Variants in SYNJ2BP observed in about 807,000 individuals in gnomAD.
The protein encoded by SYNJ2BP is synaptojanin 2 binding protein, also known as synaptojanin-2-binding protein.
SYNJ2BP carries 10 observed loss-of-function variants against 16.9 expected under a neutral mutation model. That is an observed-to-expected ratio of 0.59 (90% confidence interval 0.36 to 1.00). The LOEUF is 1.00. SYNJ2BP is among the 50% of genes least tolerant of loss of function. The pLI is 0.01. For missense variants in SYNJ2BP, 162 were observed against 186.7 expected (o/e 0.87, Z 0.77); for synonymous variants, 54 against 68.4 (o/e 0.79, Z 1.04).
intron 1 of SYNJ2BP, 79 bp downstream of exon 1, chr14:70,416,820 GA>G: frequency 6.2e-7 from 1 of 1,605,526 alleles, no homozygotes; most frequent in Non-Finnish European, 8.5e-7. Flanking sequence ...GAGGCCAGGT[GA>G]ATCCGGCTCA....
At chr14:70,391,292 A>G (rs1887976509) in intron 1 of SYNJ2BP, among the ~76,000 whole-genome samples, 2 of 152,218 alleles carry the variant, frequency 1.3e-5, no homozygotes, top group South Asian at 4.1e-4. Context: ...CTAAAAAAAT[A>G]AATAAGAAGG....
chr14:70,379,190 A>G (rs984775095), intron 2 of SYNJ2BP, among the ~76,000 whole-genome samples: 5 of 152,176 alleles, frequency 3.3e-5, no homozygotes, highest in African/African-American at 1.2e-4. Flanking sequence ...ACTTTTCTCT[A>G]GGTTGGAACC....
intron 1 of SYNJ2BP, among the ~76,000 whole-genome samples, chr14:70,411,917 G>A (rs1888480939): frequency 6.6e-6 from 1 of 152,192 alleles, no homozygotes; most frequent in Non-Finnish European, 1.5e-5. Context: ...TAAACTCCAT[G>A]AAGGCGAGAC....
At chr14:70,389,339 AT>A (rs1887929409) in intron 1 of SYNJ2BP, among the ~76,000 whole-genome samples, 1 of 149,126 alleles carries the variant, frequency 6.7e-6, no homozygotes, top group Admixed American at 6.7e-5. Context: ...GAATTTATGT[AT>A]GATAGTGCTT....
intron 1 of SYNJ2BP, among the ~76,000 whole-genome samples, chr14:70,412,225 T>C (rs1036840189): frequency 6.6e-6 from 1 of 152,126 alleles, no homozygotes; most frequent in Non-Finnish European, 1.5e-5. Flanking sequence ...AGGCATGATA[T>C]AATAAAATAA....
intron 2 of SYNJ2BP, among the ~76,000 whole-genome samples, chr14:70,383,852 A>C (rs1240418663): frequency 6.6e-6 from 1 of 152,234 alleles, no homozygotes; most frequent in Non-Finnish European, 1.5e-5. Flanking sequence ...ACATGGCCTT[A>C]AAAATCATTT....
intron 2 of SYNJ2BP, among the ~76,000 whole-genome samples, chr14:70,386,797 T>G (rs1887868870): frequency 6.6e-6 from 1 of 151,360 alleles, no homozygotes; most frequent in South Asian, 2.1e-4. Context: ...AGAAGTAATG[T>G]GAAAGGGAAA....
At chr14:70,410,969 T>A (rs1295669152) in intron 1 of SYNJ2BP, among the ~76,000 whole-genome samples, 2 of 152,154 alleles carry the variant, frequency 1.3e-5, no homozygotes, top group Non-Finnish European at 2.9e-5. Flanking sequence ...TGTTTACCTA[T>A]ATAACAAACC....
At chr14:70,415,328 TA>T (rs1054907125) in intron 1 of SYNJ2BP, among the ~76,000 whole-genome samples, 1 of 151,962 alleles carries the variant, frequency 6.6e-6, no homozygotes, top group African/African-American at 2.4e-5. Flanking sequence ...GTGGATCATT[TA>T]AACTCAGGAG....
chr14:70,380,432 G>A (rs771602180), intron 2 of SYNJ2BP, among the ~76,000 whole-genome samples: 1 of 152,098 alleles, frequency 6.6e-6, no homozygotes, highest in Non-Finnish European at 1.5e-5. Flanking sequence ...GGGAGGCCAA[G>A]GAGGGCGAAT....
At chr14:70,389,392 T>C (rs1887932636) in intron 1 of SYNJ2BP, among the ~76,000 whole-genome samples, 1 of 150,626 alleles carries the variant, frequency 6.6e-6, no homozygotes, top group South Asian at 2.1e-4. Flanking sequence ...TTTTTTTTTT[T>C]CCATTTTGGT....
chr14:70,383,099 G>A (rs1370524752), intron 2 of SYNJ2BP, among the ~76,000 whole-genome samples: 3 of 152,084 alleles, frequency 2.0e-5, no homozygotes, highest in Non-Finnish European at 4.4e-5. Flanking sequence ...AGATTATTTA[G>A]ATCCAATCCA....
chr14:70,408,163 T>C (rs1054772045), intron 1 of SYNJ2BP, among the ~76,000 whole-genome samples: 1 of 151,572 alleles, frequency 6.6e-6, no homozygotes, highest in Non-Finnish European at 1.5e-5. Context: ...TTTTATAAAC[T>C]AAGGCATAAA....
intron 1 of SYNJ2BP, among the ~76,000 whole-genome samples, chr14:70,404,471 CAG>C (rs1447291377): frequency 6.6e-6 from 1 of 152,064 alleles, no homozygotes; most frequent in East Asian, 1.9e-4. Context: ...AATTAAGTAA[CAG>C]ATAATTATAA....
In SYNJ2BP at chr14:70,367,496, A is replaced by G. The variant is rs1887414723; in HGVS notation, c.*5495T>C. 1 of 140,034 alleles carries G rather than the reference A, an allele frequency of 7.1e-6. No homozygotes were observed. The highest frequency in any genetic ancestry group is 2.5e-4 in the South Asian group (1 of 4,058). The allele number at this position is 140,034 out of a possible 1,614,324, so 8.7% of individuals were successfully genotyped here. On this transcript the variant is annotated 3_prime_UTR_variant, in exon 4 of 4. Coordinates refer to ENST00000256366, the MANE Select transcript of SYNJ2BP (RefSeq NM_018373.3). The stretch of plus-strand genomic sequence containing the variant: ...AGAATCGCTTGAACCCGGGCGGCAG[A>G]GATTGCAGTGAGCTGAGATCGTGCC...
intron 1 of SYNJ2BP, among the ~76,000 whole-genome samples, chr14:70,402,834 C>A (rs1161148667): frequency 1.3e-5 from 2 of 152,150 alleles, no homozygotes; most frequent in Non-Finnish European, 2.9e-5. Flanking sequence ...ATACAACTTT[C>A]TAGCACTTAG....
At chr14:70,405,516 C>T (rs1408067058) in intron 1 of SYNJ2BP, among the ~76,000 whole-genome samples, 2 of 151,988 alleles carry the variant, frequency 1.3e-5, no homozygotes, top group Non-Finnish European at 2.9e-5. Context: ...GGGATTATTT[C>T]ACTTTTTAAA....
intron 2 of SYNJ2BP, among the ~76,000 whole-genome samples, chr14:70,379,736 T>C (rs978143055): frequency 7.9e-5 from 12 of 152,228 alleles, no homozygotes; most frequent in African/African-American, 2.9e-4. Flanking sequence ...AGGTGTGAGA[T>C]TGCTGACTGT....
At chr14:70,393,475 T>A (rs1218393960) in intron 1 of SYNJ2BP, among the ~76,000 whole-genome samples, 1 of 152,182 alleles carries the variant, frequency 6.6e-6, no homozygotes, top group Non-Finnish European at 1.5e-5. Flanking sequence ...GGATTATAAA[T>A]CATTCTACTA....
Sources: gnomAD v4.1 joint callset for allele counts (sites outside exome capture counted in the v4.1 genomes callset) on GRCh38, gnomAD v4.1.1 for gene constraint, MANE v1.5 for transcripts, NCBI Gene and HGNC (gene_info 2026-07-23, HGNC 2026-07-21) for gene names.